SPSB4: variants seen among roughly 807,000 people sequenced by gnomAD.
SPSB4 encodes the protein SPRY domain-containing SOCS box protein 4.
SPSB4 carries 21 observed loss-of-function variants against 20.9 expected under a neutral mutation model. That is an observed-to-expected ratio of 1.01 (90% CI 0.71 to 1.45). The LOEUF is 1.45. Among genes scored for constraint, SPSB4 ranks in the 40% most tolerant of loss-of-function variants. SPSB4 has a pLI of 0.00. For synonymous variants in SPSB4, 207 were observed against 183.8 expected, an observed-to-expected ratio of 1.13 and a Z score of -1.02; for missense variants, 399 against 399.2, an observed-to-expected ratio of 1.00 and a Z score of 0.00.
At chr3:141,056,406 C>T (rs552129221) in intron 1 of SPSB4, among the ~76,000 whole-genome samples, 1 of 152,360 alleles carries the variant, frequency 6.6e-6, no homozygotes, top group South Asian at 2.1e-4. Flanking sequence ...TGCTCCCTTT[C>T]TCCTCTCTTC....
At chr3:141,132,201 T>G in intron 2 of SPSB4, 1 of 429,306 alleles carries the variant, frequency 2.3e-6, no homozygotes, top group East Asian at 9.1e-5. Flanking sequence ...GGAGTCTCAC[T>G]CGGTTGCCCT....
chr3:141,136,241 C>G (rs1939225839), intron 2 of SPSB4, among the ~76,000 whole-genome samples: 1 of 151,908 alleles, frequency 6.6e-6, no homozygotes, highest in African/African-American at 2.4e-5. Context: ...GGTTATTAGC[C>G]CTATGTCAGA....
chr3:141,063,010 G>A (rs1937794501), intron 1 of SPSB4, among the ~76,000 whole-genome samples: 1 of 152,158 alleles, frequency 6.6e-6, no homozygotes, highest in African/African-American at 2.4e-5. Context: ...GTCTGTCTAA[G>A]GCCCCTCCTT....
intron 2 of SPSB4, among the ~76,000 whole-genome samples, chr3:141,072,509 G>A (rs943579172): frequency 2.6e-5 from 4 of 152,136 alleles, no homozygotes; most frequent in African/African-American, 9.7e-5. Flanking sequence ...TTGTTTAAAA[G>A]AGCCTGGCAT....
intron 2 of SPSB4, among the ~76,000 whole-genome samples, chr3:141,131,097 A>G (rs2107804476): frequency 6.6e-6 from 1 of 152,138 alleles, no homozygotes; most frequent in East Asian, 1.9e-4. Flanking sequence ...TAGAGAGAAC[A>G]CCTTTAAGGC....
chr3:141,134,707 G>A (rs976994183), intron 2 of SPSB4, among the ~76,000 whole-genome samples: 4 of 151,974 alleles, frequency 2.6e-5, no homozygotes, highest in East Asian at 1.9e-4. Context: ...ATATGCTGCC[G>A]AATTCAGTTA....
rs1445821320 is a variant in SPSB4, at chr3:141,066,083, G to A, written c.-22G>A. ...CCACGAGGTAGCGGTGGCCTGCAGCGGCCTCCTCCCCGCAGTGAAGCATGG... is the reference window on the plus strand; with the variant it reads ...CCACGAGGTAGCGGTGGCCTGCAGCAGCCTCCTCCCCGCAGTGAAGCATGG... On this transcript the variant is annotated 5_prime_UTR_variant, in exon 2 of 3. Transcript: ENST00000310546. 6.7e-7 allele frequency: 1 copy of A among 1,495,394 alleles called. No homozygotes were observed. The allele number at this position is 1,495,394 out of a possible 1,614,324, so 92.6% of individuals were successfully genotyped here.
chr3:141,079,411 G>A (rs1466236163), intron 2 of SPSB4, among the ~76,000 whole-genome samples: 2 of 152,166 alleles, frequency 1.3e-5, no homozygotes, highest in East Asian at 3.8e-4. Context: ...GAAATTTCCA[G>A]TTAGCTACCA....
intron 1 of SPSB4, among the ~76,000 whole-genome samples, chr3:141,064,001 T>TG (rs1937816143): frequency 6.6e-6 from 1 of 152,256 alleles, no homozygotes; most frequent in Admixed American, 6.5e-5. Flanking sequence ...GGCGGGTCTG[T>TG]GGTTTCCTCT....
At chr3:141,091,613 G>A (rs1279663428) in intron 2 of SPSB4, among the ~76,000 whole-genome samples, 1 of 152,200 alleles carries the variant, frequency 6.6e-6, no homozygotes, top group African/African-American at 2.4e-5. Context: ...CCACATGTTG[G>A]TGACAGAGCC....
intron 2 of SPSB4, among the ~76,000 whole-genome samples, chr3:141,088,875 A>G (rs555877440): frequency 6.6e-6 from 1 of 152,276 alleles, no homozygotes; most frequent in African/African-American, 2.4e-5. Flanking sequence ...TTGTCTCAGG[A>G]ACCCAAACCA....
chr3:141,077,318 G>T (rs1306975629), intron 2 of SPSB4: 2 of 152,206 alleles, frequency 1.3e-5, no homozygotes, highest in African/African-American at 4.8e-5. Context: ...TATAAATAGA[G>T]CCGTGAGTTC....
At chr3:141,055,226 A>G (rs1213420815) in intron 1 of SPSB4, among the ~76,000 whole-genome samples, 5 of 152,084 alleles carry the variant, frequency 3.3e-5, no homozygotes, top group Non-Finnish European at 7.4e-5. Context: ...AGAGGACATA[A>G]TGGGGCGGAG....
chr3:141,066,334 G>A lies in SPSB4; in HGVS notation c.230G>A (p.Arg77Gln), dbSNP rs1340382139. 1 of 1,564,368 alleles carries A rather than the reference G, an allele frequency of 6.4e-7. No homozygotes were observed. The highest frequency in any genetic ancestry group is 8.6e-7 in the Non-Finnish European group (1 of 1,156,654). ...GACGACGACCGGCTCACCTTCCACC[G>A]GCACCCCGTGGCCCAGAGCACCGAC... ...VKDDDRLTFH[R>Q]HPVAQSTDGI... Residue 77 changes from arginine (R) to glutamine (Q), a missense_variant, in exon 2 of 3, where the codon CGG becomes CAG. Transcript: ENST00000310546.
At chr3:141,109,670 C>T (rs1157334825) in intron 2 of SPSB4, among the ~76,000 whole-genome samples, 1 of 152,070 alleles carries the variant, frequency 6.6e-6, no homozygotes, top group African/African-American at 2.4e-5. Context: ...TCCCCTCTTC[C>T]TCCTCCTCTT....
intron 1 of SPSB4, 112 bp from the exon 2 acceptor site, chr3:141,065,840 T>C (rs1406244642): frequency 6.6e-6 from 3 of 453,186 alleles, no homozygotes; most frequent in Non-Finnish European, 1.2e-5. Flanking sequence ...GTACGAATTA[T>C]TACTATTATT....
At chr3:141,139,913 A>G (rs1052067936) in intron 2 of SPSB4, among the ~76,000 whole-genome samples, 3 of 152,080 alleles carry the variant, frequency 2.0e-5, no homozygotes, top group Non-Finnish European at 4.4e-5. Flanking sequence ...CTCCTGGATA[A>G]TATCCTGCAG....
intron 2 of SPSB4, among the ~76,000 whole-genome samples, chr3:141,105,408 C>T (rs1938672340): frequency 6.6e-6 from 1 of 152,160 alleles, no homozygotes; most frequent in South Asian, 2.1e-4. Context: ...GATCTGCTTC[C>T]CTTTTGCCTC....
intron 2 of SPSB4, among the ~76,000 whole-genome samples, chr3:141,117,575 T>A (rs1333797060): frequency 6.6e-6 from 1 of 152,232 alleles, no homozygotes; most frequent in East Asian, 1.9e-4. Context: ...TAGGTATATA[T>A]GTGCCATGTT....
Sources: gnomAD v4.1 joint callset for allele counts (sites outside exome capture counted in the v4.1 genomes callset) on GRCh38, gnomAD v4.1.1 for gene constraint, MANE v1.5 for transcripts, NCBI Gene and HGNC (gene_info 2026-07-23, HGNC 2026-07-21) for gene names.